The following GRM7 variants were observed in gnomAD, a reference collection of about 807,000 sequenced individuals.
The protein encoded by GRM7 is glutamate metabotropic receptor 7.
Under a neutral mutation model 84.5 loss-of-function variants are expected in GRM7, and 35 were observed. The ratio of observed to expected loss-of-function variants is 0.41; its 90% CI spans 0.32 to 0.55. The LOEUF (loss-of-function observed/expected upper bound fraction) is 0.55, where lower values mean the gene tolerates loss of function less well. GRM7 is among the 20% of genes least tolerant of loss of function. The pLI is 0.19. For synonymous variants in GRM7, 487 were observed against 455.1 expected (o/e 1.07, Z -0.89); for missense variants, 1,003 against 1,194.6 (o/e 0.84, Z 2.36).
chr3:7,589,046 A>G (rs1380655786), intron 8 of GRM7, among the ~76,000 whole-genome samples: 3 of 152,192 alleles, frequency 2.0e-5, no homozygotes, highest in Non-Finnish European at 4.4e-5. Flanking sequence ...TTCCAATTCT[A>G]TCAATTCCAT....
intron 1 of GRM7, among the ~76,000 whole-genome samples, chr3:6,996,458 G>T (rs528841034): frequency 6.6e-6 from 1 of 152,184 alleles, no homozygotes; most frequent in Non-Finnish European, 1.5e-5. Context: ...TTTGTAAAGT[G>T]TGATTGTTAT....
intron 7 of GRM7, among the ~76,000 whole-genome samples, chr3:7,492,237 G>A (rs1699546152): frequency 6.6e-6 from 1 of 152,162 alleles, no homozygotes; most frequent in South Asian, 2.1e-4. Flanking sequence ...ATGAGTTGGG[G>A]AGTGCTTCCC....
At chr3:7,072,499 T>G (rs1386947098) in intron 1 of GRM7, among the ~76,000 whole-genome samples, 3 of 151,954 alleles carry the variant, frequency 2.0e-5, no homozygotes, top group Admixed American at 1.3e-4. Flanking sequence ...CTTGGCAACA[T>G]AGTGAGACCC....
intron 7 of GRM7, among the ~76,000 whole-genome samples, chr3:7,465,494 C>G (rs900986099): frequency 7.7e-6 from 1 of 129,120 alleles, no homozygotes; most frequent in Non-Finnish European, 1.9e-5. Flanking sequence ...TTCCCAGAGC[C>G]ACAGCCCAGT....
intron 7 of GRM7, among the ~76,000 whole-genome samples, chr3:7,515,787 G>A (rs879900826): frequency 6.6e-6 from 1 of 152,002 alleles, no homozygotes; most frequent in South Asian, 2.1e-4. Context: ...CTAAACTAGG[G>A]CCAAGTGCCT....
chr3:6,874,620 TGAGA>T (rs766522266), intron 1 of GRM7, among the ~76,000 whole-genome samples: 43 of 152,362 alleles, frequency 2.8e-4, no homozygotes, highest in Non-Finnish European at 4.3e-4. Context: ...TGACCATTAG[TGAGA>T]GAGACGGAGC....
At chr3:7,086,348 T>C (rs930038414) in intron 1 of GRM7, among the ~76,000 whole-genome samples, 1 of 147,170 alleles carries the variant, frequency 6.8e-6, no homozygotes, top group African/African-American at 2.6e-5. Flanking sequence ...ATAAAAAAGA[T>C]CCTATAGAAA....
intron 8 of GRM7, among the ~76,000 whole-genome samples, chr3:7,621,554 G>A (rs1238493165): frequency 2.0e-5 from 3 of 152,090 alleles, no homozygotes; most frequent in Non-Finnish European, 4.4e-5. Context: ...AAATGCTTGT[G>A]TATTCTAAAC....
chr3:7,557,115 G>A (rs1693801735), intron 7 of GRM7, among the ~76,000 whole-genome samples: 1 of 152,160 alleles, frequency 6.6e-6, no homozygotes, highest in Admixed American at 6.6e-5. Context: ...GTGTCTGGAG[G>A]ATGAAATCTA....
intron 8 of GRM7, among the ~76,000 whole-genome samples, chr3:7,642,511 T>C (rs1413503375): frequency 2.0e-5 from 3 of 152,158 alleles, no homozygotes; most frequent in Non-Finnish European, 4.4e-5. Context: ...ATGAAATACT[T>C]ACATTGCTTT....
chr3:7,688,232 T>TAGGATATACAGATTAGAAGTAAA (rs59105648), intron 9 of GRM7, among the ~76,000 whole-genome samples: 1 of 152,144 alleles, frequency 6.6e-6, no homozygotes, highest in Non-Finnish European at 1.5e-5. Flanking sequence ...AAAACACTTT[T>TAGGATATACAGATTAGAAGTAAA]AGGATATACA....
At chr3:7,568,502 T>G (rs1368503645) in intron 7 of GRM7, among the ~76,000 whole-genome samples, 6 of 152,182 alleles carry the variant, frequency 3.9e-5, no homozygotes, top group African/African-American at 1.4e-4. Flanking sequence ...TGGCCACACT[T>G]GAGGAGCCCT....
intron 2 of GRM7, among the ~76,000 whole-genome samples, chr3:7,204,639 C>T (rs1696175524): frequency 6.6e-6 from 1 of 152,212 alleles, no homozygotes; most frequent in South Asian, 2.1e-4. Context: ...CAAATAACCA[C>T]TGCAGAAATA....
intron 2 of GRM7, among the ~76,000 whole-genome samples, chr3:7,262,500 A>G (rs1698470810): frequency 6.6e-6 from 1 of 152,062 alleles, no homozygotes; most frequent in South Asian, 2.1e-4. Context: ...CAGTTTCGGT[A>G]TCATTTTATT....
At chr3:7,177,061 A>G (rs1695177249) in intron 2 of GRM7, among the ~76,000 whole-genome samples, 1 of 152,160 alleles carries the variant, frequency 6.6e-6, no homozygotes, top group African/African-American at 2.4e-5. Flanking sequence ...CTGAATCCTT[A>G]TCTTTGCTCA....
chr3:7,121,937 C>A (rs967498081), intron 1 of GRM7, among the ~76,000 whole-genome samples: 2 of 152,114 alleles, frequency 1.3e-5, no homozygotes, highest in Non-Finnish European at 2.9e-5. Flanking sequence ...TATCATGAGA[C>A]CATATTACAA....
chr3:6,956,798 C>T (rs562469061), intron 1 of GRM7, among the ~76,000 whole-genome samples: 4 of 152,124 alleles, frequency 2.6e-5, no homozygotes, highest in South Asian at 2.1e-4. Flanking sequence ...GCACAGGGGC[C>T]GGGAAATACA....
intron 1 of GRM7, among the ~76,000 whole-genome samples, chr3:6,953,613 G>C (rs1010064717): frequency 2.6e-5 from 4 of 152,154 alleles, no homozygotes; most frequent in Non-Finnish European, 4.4e-5. Flanking sequence ...AAGCACACTA[G>C]GTTTCTTTTC....
intron 4 of GRM7, among the ~76,000 whole-genome samples, chr3:7,341,170 T>C (rs1156974433): frequency 2.0e-5 from 3 of 152,084 alleles, no homozygotes; most frequent in South Asian, 2.1e-4. Flanking sequence ...TATTTCTGAG[T>C]GAAAGTCAAA....
Sources: allele counts gnomAD v4.1 joint callset (sites outside exome capture counted in the v4.1 genomes callset), GRCh38; gene constraint gnomAD v4.1.1; transcripts MANE v1.5; gene names NCBI Gene and HGNC (gene_info 2026-07-23, HGNC 2026-07-21).